QNG1: variants seen among roughly 807,000 people sequenced by gnomAD.
QNG1 encodes the protein Q-nucleotide N-glycosylase 1.
At chr9:83,950,356 A>G in the QNG1 span, among the ~76,000 whole-genome samples, 1 of 152,018 alleles carries the variant, frequency 6.6e-6, no homozygotes, top group Non-Finnish European at 1.5e-5. Context: ...CCATCTCTAT[A>G]AAACATTTTC....
chr9:83,946,330 C>A, the QNG1 span, among the ~76,000 whole-genome samples: 1,359 of 151,950 alleles, frequency 8.9e-3, 22 homozygotes, highest in African/African-American at 0.031. Flanking sequence ...AAAAAAAATA[C>A]AGCAACATAC....
At chr9:83,955,609 C>T in the QNG1 span, 6 of 1,613,972 alleles carry the variant, frequency 3.7e-6, no homozygotes, top group African/African-American at 2.7e-5. Context: ...GGGTCACTGT[C>T]GCGTAGTACG....
At chr9:83,952,195 G>A in the QNG1 span, among the ~76,000 whole-genome samples, 1 of 151,688 alleles carries the variant, frequency 6.6e-6, no homozygotes, top group East Asian at 1.9e-4. Flanking sequence ...TGTTGTCCAG[G>A]CTGGTCTCGA....
At chr9:83,942,895 C>G in the QNG1 span, among the ~76,000 whole-genome samples, 1 of 152,258 alleles carries the variant, frequency 6.6e-6, no homozygotes, top group South Asian at 2.1e-4. Context: ...TCTGACATCT[C>G]TGTACAACTA....
the QNG1 span, among the ~76,000 whole-genome samples, chr9:83,952,016 G>A: frequency 2.0e-5 from 3 of 152,140 alleles, no homozygotes; most frequent in African/African-American, 4.8e-5. Flanking sequence ...TTGGGGACAA[G>A]GTCTTGCTCT....
the QNG1 span, chr9:83,953,879 A>G: frequency 3.1e-6 from 4 of 1,294,054 alleles, no homozygotes; most frequent in South Asian, 1.3e-5. Context: ...ATATATATAC[A>G]GTACACTGAA....
At chr9:83,940,946 A>C in the QNG1 span, among the ~76,000 whole-genome samples, 2 of 152,198 alleles carry the variant, frequency 1.3e-5, no homozygotes, top group Non-Finnish European at 2.9e-5. Context: ...ACTTTGCCCC[A>C]GGTGCTAGCA....
the QNG1 span, among the ~76,000 whole-genome samples, chr9:83,944,019 TCAAA>T: frequency 6.3e-5 from 9 of 143,068 alleles, no homozygotes; most frequent in South Asian, 4.2e-4. Context: ...AGACTCCGTC[TCAAA>T]CAAACAAACA....
At chr9:83,947,706 G>T in the QNG1 span, among the ~76,000 whole-genome samples, 5 of 152,180 alleles carry the variant, frequency 3.3e-5, no homozygotes, top group African/African-American at 1.2e-4. Flanking sequence ...GTGGAGATGG[G>T]GTTTCGCCGT....
chr9:83,953,959 A>G, the QNG1 span: 191,176 of 668,178 alleles, frequency 0.29, 29,157 homozygotes, highest in African/African-American at 0.45. Flanking sequence ...CAGTGGTGCA[A>G]TCTCGGCTCA....
At chr9:83,956,168 G>C in the QNG1 span, 2 of 1,609,516 alleles carry the variant, frequency 1.2e-6, no homozygotes, top group Non-Finnish European at 8.5e-7. Flanking sequence ...ACCAACCTTC[G>C]TCGAGGGCTC....
chr9:83,943,331 C>CAAAA, the QNG1 span, among the ~76,000 whole-genome samples: 87 of 62,478 alleles, frequency 1.4e-3, 1 homozygote, highest in African/African-American at 1.6e-3. Context: ...CAGAGCGTCT[C>CAAAA]AAAAAAAAAA....
At chr9:83,945,776 A>AT in the QNG1 span, among the ~76,000 whole-genome samples, 1 of 151,482 alleles carries the variant, frequency 6.6e-6, no homozygotes, top group South Asian at 2.1e-4. Context: ...AATTTTTTGA[A>AT]TTTTTTTAGA....
chr9:83,941,838 G>A, the QNG1 span, among the ~76,000 whole-genome samples: 31 of 152,048 alleles, frequency 2.0e-4, no homozygotes, highest in Middle Eastern at 3.4e-3. Context: ...ACTTGAACCC[G>A]GGAGAAGGAG....
At chr9:83,956,293 C>T in the QNG1 span, 1 of 1,614,138 alleles carries the variant, frequency 6.2e-7, no homozygotes. Flanking sequence ...GTGTCTGTCA[C>T]GAACACCCAG....
chr9:83,945,230 T>C, the QNG1 span, among the ~76,000 whole-genome samples: 1 of 149,478 alleles, frequency 6.7e-6, no homozygotes, highest in East Asian at 2.0e-4. Context: ...ATGGCATAAC[T>C]CCAACTCTAC....
the QNG1 span, among the ~76,000 whole-genome samples, chr9:83,947,969 C>T: frequency 7.0e-6 from 1 of 142,724 alleles, no homozygotes. Context: ...TCTGCCTGGC[C>T]GCCCATCGTC....
chr9:83,940,497 G>T, the QNG1 span, among the ~76,000 whole-genome samples: 1 of 152,130 alleles, frequency 6.6e-6, no homozygotes, highest in Admixed American at 6.6e-5. Flanking sequence ...ATCCTGCAAG[G>T]TAGGCACTGG....
chr9:83,940,346 C>T, the QNG1 span, among the ~76,000 whole-genome samples: 4 of 151,896 alleles, frequency 2.6e-5, no homozygotes, highest in African/African-American at 4.8e-5. Context: ...CCCAGCTACT[C>T]GGGAGGTTGA....
Sources: gnomAD v4.1 joint callset for allele counts (sites outside exome capture counted in the v4.1 genomes callset) on GRCh38, gnomAD v4.1.1 for gene constraint, MANE v1.5 for transcripts, NCBI Gene and HGNC (gene_info 2026-07-23, HGNC 2026-07-21) for gene names.